BMPR1A: variants seen among roughly 807,000 people sequenced by gnomAD.
BMPR1A encodes bone morphogenetic protein receptor type-1A.
A neutral mutation model predicts 66.0 loss-of-function variants in BMPR1A; 7 were observed. That is an observed-to-expected ratio of 0.11 (90% CI 0.06 to 0.20). The LOEUF (loss-of-function observed/expected upper bound fraction) is 0.20, where lower values mean the gene tolerates loss of function less well. Among genes scored for constraint, BMPR1A ranks in the 10% least tolerant of loss-of-function variants. BMPR1A has a pLI of 1.00. For missense variants in BMPR1A, 408 were observed against 669.1 expected, an observed-to-expected ratio of 0.61 and a Z score of 4.31; for synonymous variants, 200 against 229.7, an observed-to-expected ratio of 0.87 and a Z score of 1.17.
intron 2 of BMPR1A, among the ~76,000 whole-genome samples, chr10:86,875,349 G>C (rs1007329011): frequency 0.089 from 5 of 56 alleles, no homozygotes; most frequent in African/African-American, 0.19. Flanking sequence ...CTCCAGCCTG[G>C]GCGACCGAGC....
intron 1 of BMPR1A, among the ~76,000 whole-genome samples, chr10:86,835,556 A>G (rs1842333852): frequency 6.7e-5 from 4 of 59,954 alleles, no homozygotes; most frequent in African/African-American, 2.0e-4. Flanking sequence ...TATCAAAAAA[A>G]AAAAAAAAAA....
chr10:86,766,079 T>G (rs1841158191), intron 1 of BMPR1A, among the ~76,000 whole-genome samples: 2 of 149,732 alleles, frequency 1.3e-5, no homozygotes, highest in South Asian at 4.2e-4. Flanking sequence ...ATCCAACTCC[T>G]GGGCTCAAGC....
chr10:86,839,203 GTATT>G (rs1478104685), intron 2 of BMPR1A, among the ~76,000 whole-genome samples: 1 of 152,066 alleles, frequency 6.6e-6, no homozygotes, highest in African/African-American at 2.4e-5. Context: ...GGAGTGAAAG[GTATT>G]TATTTCTTAC....
rs876659766 is a variant in BMPR1A at position 86,917,184 on chromosome 10, A to G, written c.726A>G (p.Lys242=). Residue 242 remains lysine (K), a synonymous_variant, in exon 9 of 13, where the codon AAA becomes AAG. Coordinates refer to ENST00000372037, the MANE Select transcript of BMPR1A (RefSeq NM_004329.3). The stretch of plus-strand genomic sequence containing the variant: ...TTCAGATGGTCCGGCAAGTTGGTAA[A>G]GGCCGATATGGAGAAGTATGGATGG... The part of the protein sequence containing the change: ...KQIQMVRQVG[K]GRYGEVWMGK... 1.9e-6 allele frequency: 3 copies of G among 1,614,130 alleles called. No individual in the cohort carries two copies. Among genetic ancestry groups the G allele is most frequent in the Non-Finnish European group, 2.5e-6 (3 of 1,180,014 alleles).
intron 1 of BMPR1A, among the ~76,000 whole-genome samples, chr10:86,800,873 G>GA (rs1291108051): frequency 1.6e-4 from 25 of 152,222 alleles, no homozygotes. Flanking sequence ...TTCAGACATT[G>GA]AAAGGGATTA....
chr10:86,928,882 T>G (rs948889055), downstream of BMPR1A: 1 of 152,104 alleles, frequency 6.6e-6, no homozygotes, highest in African/African-American at 2.4e-5. Context: ...CTCGAACTCC[T>G]GACCTCAAGT....
At chr10:86,866,306 C>T (rs1442154769) in intron 2 of BMPR1A, among the ~76,000 whole-genome samples, 1 of 145,586 alleles carries the variant, frequency 6.9e-6, no homozygotes, top group African/African-American at 2.5e-5. Flanking sequence ...ACTTTCCTGC[C>T]AGCGCCTTAA....
intron 1 of BMPR1A, among the ~76,000 whole-genome samples, chr10:86,766,222 G>T (rs1316129766): frequency 6.6e-6 from 1 of 152,022 alleles, no homozygotes; most frequent in Non-Finnish European, 1.5e-5. Context: ...GAACTCCTGG[G>T]CTAAAGTGAT....
chr10:86,785,809 A>C (rs113957691), intron 1 of BMPR1A, among the ~76,000 whole-genome samples: 86 of 152,262 alleles, frequency 5.6e-4, no homozygotes, highest in African/African-American at 2.0e-3. Flanking sequence ...CTGGTTCTGC[A>C]CTTGCACCTT....
chr10:86,853,796 C>T (rs986796242), intron 2 of BMPR1A, among the ~76,000 whole-genome samples: 3 of 152,086 alleles, frequency 2.0e-5, no homozygotes, highest in African/African-American at 7.2e-5. Flanking sequence ...TCACGTGCTT[C>T]ACAAGGTAAT....
intron 2 of BMPR1A, among the ~76,000 whole-genome samples, chr10:86,845,685 G>T (rs529754464): frequency 2.6e-5 from 4 of 152,234 alleles, no homozygotes; most frequent in South Asian, 4.2e-4. Context: ...CTGCAGATTG[G>T]TGGCTGATTA....
chr10:86,924,895 C>G lies in BMPR1A; in HGVS notation c.*1176C>G, dbSNP rs529954660. 3.9e-5 allele frequency: 9 copies of G among 231,902 alleles called. No individual in the cohort carries two copies. Among genetic ancestry groups the G allele is most frequent in the Non-Finnish European group, 6.8e-5 (8 of 117,398 alleles). 14.4% of individuals were successfully genotyped at this position (231,902 alleles called of 1,614,324 possible). A position where few individuals can be genotyped will look rare whatever the true frequency, so the allele number is the denominator to read the frequency against. ...AATTAATGCATTCAAAGTAATATAT[C>G]AAATCCAGGACTTTGTTAACTTCAG... On this transcript the variant is annotated 3_prime_UTR_variant, in exon 13 of 13. Transcript: ENST00000372037.
upstream of BMPR1A, chr10:86,756,356 G>T (rs984912315): frequency 6.6e-6 from 1 of 152,020 alleles, no homozygotes; most frequent in Non-Finnish European, 1.5e-5. Flanking sequence ...CCCGACTCCC[G>T]CCCGCACCAG....
At chr10:86,771,004 C>T (rs1004429168) in intron 1 of BMPR1A, among the ~76,000 whole-genome samples, 2 of 152,192 alleles carry the variant, frequency 1.3e-5, no homozygotes, top group Non-Finnish European at 1.5e-5. Context: ...ATGAGGCTGT[C>T]ACAGTACTAT....
At chr10:86,762,989 C>A (rs535019337) in intron 1 of BMPR1A, among the ~76,000 whole-genome samples, 1 of 152,074 alleles carries the variant, frequency 6.6e-6, no homozygotes, top group African/African-American at 2.4e-5. Flanking sequence ...CTCTACCTCC[C>A]GGGTTAAGCG....
chr10:86,883,878 T>G (rs1055208389), intron 3 of BMPR1A, among the ~76,000 whole-genome samples: 4 of 151,662 alleles, frequency 2.6e-5, no homozygotes, highest in Non-Finnish European at 5.9e-5. Flanking sequence ...TGACTTTTTT[T>G]TTTTTTTTTC....
chr10:86,829,335 A>G (rs923771437), intron 1 of BMPR1A, among the ~76,000 whole-genome samples: 5 of 152,174 alleles, frequency 3.3e-5, no homozygotes, highest in Non-Finnish European at 7.4e-5. Context: ...AGGTTCTTCA[A>G]AATTTTTAAT....
At chr10:86,788,640 C>T (rs1334076629) in intron 1 of BMPR1A, among the ~76,000 whole-genome samples, 1 of 152,148 alleles carries the variant, frequency 6.6e-6, no homozygotes, top group Non-Finnish European at 1.5e-5. Context: ...GAGTTTGGCT[C>T]TTGTCACCCA....
intron 2 of BMPR1A, chr10:86,856,118 T>A (rs904914305): frequency 1.7e-5 from 9 of 523,438 alleles, no homozygotes; most frequent in South Asian, 1.3e-4. Flanking sequence ...TAGACTTTAT[T>A]GGTTTTGAAA....
Sources: gnomAD v4.1 joint callset for allele counts (sites outside exome capture counted in the v4.1 genomes callset) on GRCh38, gnomAD v4.1.1 for gene constraint, MANE v1.5 for transcripts, NCBI Gene and HGNC (gene_info 2026-07-23, HGNC 2026-07-21) for gene names.